The following WARS1 variants were observed in gnomAD, a reference collection of about 807,000 sequenced individuals.
The protein encoded by WARS1 is tryptophan--tRNA ligase, cytoplasmic.
In WARS1, 17 loss-of-function variants were observed where a neutral mutation model predicts 47.8. That is an observed-to-expected ratio of 0.36 (90% CI 0.24 to 0.53). WARS1 has a LOEUF of 0.53. Ranked by LOEUF, WARS1 falls within the 20% of genes least tolerant of loss-of-function variation. WARS1 has a pLI of 0.91. For synonymous variants in WARS1, 208 were observed against 228.1 expected (o/e 0.91, Z 0.79); for missense variants, 434 against 608.0 (o/e 0.71, Z 3.01).
chr14:100,336,720 C>G (rs1893758104), intron 10 of WARS1: 1 of 192,366 alleles, frequency 5.2e-6, no homozygotes, highest in African/African-American at 2.3e-5. Context: ...TTCATAATCA[C>G]TGAAAATAGT....
intron 6 of WARS1, among the ~76,000 whole-genome samples, chr14:100,348,314 G>A (rs1225014687): frequency 3.9e-5 from 6 of 152,230 alleles, no homozygotes; most frequent in African/African-American, 7.2e-5. Context: ...TGTGCTGGGC[G>A]AAGCACAATG....
chr14:100,353,757 C>T lies in WARS1; in HGVS notation c.655G>A (p.Ala219Thr). The change falls in exon 6 of 11, where the codon GCC becomes ACC. Residue 219 changes from alanine (A) to threonine (T), a missense_variant. Physicochemically the swap from Ala to Thr is moderately conservative, Grantham distance 58. Around this residue, in one of 2 missense-constraint regions of WARS1, gnomAD observed 347 missense variants for 523.8 expected, o/e 0.66. Coordinates refer to ENST00000392882, the MANE Select transcript of WARS1 (RefSeq NM_004184.4). ...AAGCCACAGGCGATGATGTCCTTGGCATTCTCCACAGCATAGCTATAGGCC... is the reference window on the plus strand; with the variant it reads ...AAGCCACAGGCGATGATGTCCTTGGTATTCTCCACAGCATAGCTATAGGCC... ...DQAYSYAVENAKDIIACGFDI... is the reference protein window; with the variant it reads ...DQAYSYAVENTKDIIACGFDI... 1 of 1,614,182 alleles carries T rather than the reference C, an allele frequency of 6.2e-7. No individual in the cohort carries two copies. Among genetic ancestry groups the T allele is most frequent in the Non-Finnish European group, 8.5e-7 (1 of 1,180,032 alleles).
intron 4 of WARS1, 171 bp downstream of exon 4, chr14:100,360,383 G>GCATGATCC: frequency 2.2e-6 from 1 of 449,064 alleles, no homozygotes; most frequent in South Asian, 6.7e-5. Context: ...TGATGGACAA[G>GCATGATCC]CATGATCCCA....
Position 100,337,131 on chromosome 14 carries a change from A to G in WARS1, c.1185T>C (p.Asp395=). Reference sequence around the variant, plus strand: ...TCAGGTACATGAAAGACACGTCCACATCACAGTTGCCCCCAAACTGCCTGT... The same window carrying G: ...TCAGGTACATGAAAGACACGTCCACGTCACAGTTGCCCCCAAACTGCCTGT... The part of the protein sequence containing the change: ...EEHRQFGGNC[D]VDVSFMYLTF... The change falls in exon 10 of 11, where the codon GAT becomes GAC. Residue 395 remains aspartate, a synonymous_variant. Transcript: ENST00000392882. 2 of 1,614,184 alleles carry G rather than the reference A, an allele frequency of 1.2e-6. No individual in the cohort carries two copies. Among genetic ancestry groups the G allele is most frequent in the African/African-American group, 1.3e-5 (1 of 75,040 alleles).
At chr14:100,344,916 C>T (rs1010553944) in intron 7 of WARS1, among the ~76,000 whole-genome samples, 4 of 151,228 alleles carry the variant, frequency 2.6e-5, no homozygotes, top group African/African-American at 9.7e-5. Flanking sequence ...TGAGGAGCGT[C>T]TCCGCCCAGC....
At chr14:100,359,845 G>A (rs1418152815) in intron 4 of WARS1, among the ~76,000 whole-genome samples, 1 of 152,152 alleles carries the variant, frequency 6.6e-6, no homozygotes, top group Non-Finnish European at 1.5e-5. Flanking sequence ...GTTGAGCAAG[G>A]CCTGGAGTTC....
In WARS1 at chr14:100,371,205, T is replaced by C. The variant is rs1386110923; in HGVS notation, c.-73-1947A>G. Among the ~76,000 whole-genome samples, 4 of 152,106 alleles carry C rather than the reference T, an allele frequency of 2.6e-5. No homozygotes were observed. The East Asian group carries it at 5.8e-4, about 22-fold the overall frequency. On this transcript the variant is annotated intron_variant, in intron 1 of 10. Coordinates refer to ENST00000392882, the MANE Select transcript of WARS1 (RefSeq NM_004184.4). Reference sequence around the variant, plus strand: ...GCTCACGCCTATAATCCCAGCACTTTGGGAGGCTGAGGTGGGTGGATCACC... The same window carrying C: ...GCTCACGCCTATAATCCCAGCACTTCGGGAGGCTGAGGTGGGTGGATCACC...
intron 1 of WARS1, among the ~76,000 whole-genome samples, chr14:100,370,186 C>T (rs1241169748): frequency 6.6e-6 from 1 of 152,142 alleles, no homozygotes; most frequent in East Asian, 1.9e-4. Context: ...TAACTACAAG[C>T]CTTTGCAGAA....
chr14:100,374,471 C>T (rs906293685), intron 1 of WARS1, among the ~76,000 whole-genome samples: 2 of 152,204 alleles, frequency 1.3e-5, no homozygotes, highest in African/African-American at 4.8e-5. Flanking sequence ...TGAAAGTTTC[C>T]ACTGTGGTGG....
chr14:100,354,311 AAAAAAGTGCC>A (rs1365132016), intron 5 of WARS1, 126 bp downstream of exon 5: 40 of 1,350,910 alleles, frequency 3.0e-5, no homozygotes, highest in Non-Finnish European at 3.5e-5. Context: ...AATGGAAGCC[AAAAAAGTGCC>A]AACTCTTGAC....
intron 9 of WARS1, chr14:100,339,828 G>GAGGA (rs930987260): frequency 2.0e-5 from 3 of 152,168 alleles, no homozygotes; most frequent in Admixed American, 2.0e-4. Context: ...GCAGTTTGAA[G>GAGGA]AGGATATTGA....
intron 4 of WARS1, among the ~76,000 whole-genome samples, chr14:100,357,642 G>A (rs964124511): frequency 6.6e-6 from 1 of 152,012 alleles, no homozygotes; most frequent in South Asian, 2.1e-4. Context: ...TGTATTTTTA[G>A]TAGAGATGTG....
In WARS1 at chr14:100,343,277, G is replaced by T; in HGVS notation, c.937C>A (p.Gln313Lys). Reference protein sequence around the residue: ...IQCLIPCAIDQDPYFRMTRDV... With the variant: ...IQCLIPCAIDKDPYFRMTRDV... ...GCCTTGCTTTTCTGCCTGCTGACCT[G>T]GTCAATGGCACATGGGATAAGGCAC... Residue 313 changes from glutamine (Q) to lysine (K), a missense_variant and splice_region_variant, in exon 8 of 11, where the codon CAG becomes AAG. Physicochemically the swap from Gln to Lys is moderately conservative, Grantham distance 53 (BLOSUM62 1). Around this residue, in one of 2 missense-constraint regions of WARS1, gnomAD observed 347 missense variants for 523.8 expected, o/e 0.66. Coordinates refer to ENST00000392882, the MANE Select transcript of WARS1 (RefSeq NM_004184.4). 1 of 1,610,346 alleles carries T rather than the reference G, an allele frequency of 6.2e-7. No homozygotes were observed. Among genetic ancestry groups the T allele is most frequent in the South Asian group, 1.1e-5 (1 of 90,700 alleles).
At chr14:100,341,471 G>A (rs1266988671) in intron 9 of WARS1, among the ~76,000 whole-genome samples, 2 of 152,122 alleles carry the variant, frequency 1.3e-5, no homozygotes, top group Non-Finnish European at 2.9e-5. Flanking sequence ...GAACGGTCAG[G>A]GGCAGTGACT....
chr14:100,340,972 T>C (rs1023560777), intron 9 of WARS1, among the ~76,000 whole-genome samples: 5 of 149,866 alleles, frequency 3.3e-5, no homozygotes, highest in African/African-American at 1.2e-4. Context: ...TGGAGAACAG[T>C]GGTGCGATCT....
intron 2 of WARS1, among the ~76,000 whole-genome samples, chr14:100,364,383 T>A (rs867260402): frequency 1.3e-5 from 2 of 152,200 alleles, no homozygotes; most frequent in African/African-American, 4.8e-5. Context: ...TTAGATACAC[T>A]GGAGCAGAAA....
intron 7 of WARS1, among the ~76,000 whole-genome samples, chr14:100,344,539 C>T (rs1311263404): frequency 3.9e-4 from 59 of 151,756 alleles, no homozygotes; most frequent in Non-Finnish European, 7.2e-4. Flanking sequence ...TCTGCCTGGC[C>T]GCCCATCGTC....
intron 2 of WARS1, among the ~76,000 whole-genome samples, chr14:100,364,954 T>A (rs1895866174): frequency 6.6e-6 from 1 of 152,180 alleles, no homozygotes. Flanking sequence ...CATTACTTTC[T>A]TTCAGTACTA....
chr14:100,353,340 T>G (rs1296904593), intron 6 of WARS1, among the ~76,000 whole-genome samples: 4 of 152,006 alleles, frequency 2.6e-5, no homozygotes, highest in Admixed American at 1.3e-4. Flanking sequence ...AACCTCCACC[T>G]CCCGGGTTCA....
Sources: gnomAD v4.1 joint callset for allele counts (sites outside exome capture counted in the v4.1 genomes callset) on GRCh38, gnomAD v4.1.1 for gene constraint, gnomAD v4.1.1 regional missense constraint, MANE v1.5 for transcripts, NCBI Gene and HGNC (gene_info 2026-07-23, HGNC 2026-07-21) for gene names.